Variants in COG5 observed in about 807,000 individuals in gnomAD.
COG5 encodes component of oligomeric golgi complex 5.
A neutral mutation model predicts 110.4 loss-of-function variants in COG5; 86 were observed. The ratio of observed to expected loss-of-function variants is 0.78; its 90% CI spans 0.65 to 0.93. COG5 has a LOEUF of 0.93. COG5 is among the 40% of genes least tolerant of loss of function. COG5 has a pLI of 0.00. For synonymous variants in COG5, 360 were observed against 334.6 expected, an observed-to-expected ratio of 1.08 and a Z score of -0.83; for missense variants, 1,077 against 987.0, an observed-to-expected ratio of 1.09 and a Z score of -1.22.
intron 10 of COG5, among the ~76,000 whole-genome samples, chr7:107,354,390 G>T (rs1366385022): frequency 2.0e-5 from 3 of 152,148 alleles, no homozygotes; most frequent in Non-Finnish European, 4.4e-5. Context: ...AAGAAAGACT[G>T]AACTAGGGCT....
intron 5 of COG5, among the ~76,000 whole-genome samples, chr7:107,541,145 T>C (rs754133398): frequency 1.0e-4 from 15 of 148,194 alleles, no homozygotes; most frequent in Admixed American, 2.7e-4. Flanking sequence ...AGCGGGACTC[T>C]GTCTTGAAAA....
In COG5 at chr7:107,201,726, A is replaced by G. The variant is rs1798326261; in HGVS notation, c.*1790T>C. 1 of 325,796 alleles carries G rather than the reference A, an allele frequency of 3.1e-6. No homozygotes were observed. Among genetic ancestry groups the G allele is most frequent in the South Asian group, 8.9e-5 (1 of 11,218 alleles). 20.2% of individuals were successfully genotyped at this position (325,796 alleles called of 1,614,324 possible). A position where few individuals can be genotyped will look rare whatever the true frequency, so the allele number is the denominator to read the frequency against. ...AATTGATATCCTGTGGTGCTAAAGT[A>G]CAGTAGAAAGAGAGGAGAAGTGTAT... On this transcript the variant is annotated 3_prime_UTR_variant, in exon 22 of 22. Coordinates refer to ENST00000297135, the MANE Select transcript of COG5 (RefSeq NM_006348.5).
intron 6 of COG5, among the ~76,000 whole-genome samples, chr7:107,495,132 A>G (rs994216931): frequency 2.0e-5 from 3 of 152,196 alleles, no homozygotes; most frequent in African/African-American, 7.2e-5. Context: ...GTGCACAGCT[A>G]TAATGGCAGA....
chr7:107,262,607 T>C (rs1006485736), intron 14 of COG5, among the ~76,000 whole-genome samples: 27 of 152,194 alleles, frequency 1.8e-4, no homozygotes, highest in African/African-American at 5.8e-4. Context: ...TAAACCAAGG[T>C]GGGTTCTTGG....
At chr7:107,259,045 C>A (rs1002775656) in intron 14 of COG5, among the ~76,000 whole-genome samples, 21 of 151,940 alleles carry the variant, frequency 1.4e-4, no homozygotes, top group African/African-American at 4.8e-4. Context: ...ACTTTCTACA[C>A]TTGACCTTTA....
At chr7:107,239,940 G>A (rs1337188009) in intron 17 of COG5, among the ~76,000 whole-genome samples, 1 of 152,268 alleles carries the variant, frequency 6.6e-6, no homozygotes, top group South Asian at 2.1e-4. Flanking sequence ...TAATCTTCAT[G>A]CCACTAACCT....
intron 5 of COG5, among the ~76,000 whole-genome samples, chr7:107,547,448 T>G (rs537131935): frequency 1.3e-5 from 2 of 152,290 alleles, no homozygotes; most frequent in African/African-American, 4.8e-5. Flanking sequence ...GCTTTTCCTC[T>G]AAGATCAGGA....
At chr7:107,216,979 A>T (rs1799577377) in intron 19 of COG5, among the ~76,000 whole-genome samples, 2 of 152,078 alleles carry the variant, frequency 1.3e-5, no homozygotes, top group Admixed American at 1.3e-4. Context: ...ACAAACCCTT[A>T]ACTAGACTAA....
At chr7:107,274,803 T>A (rs923561930) in intron 14 of COG5, among the ~76,000 whole-genome samples, 1 of 152,150 alleles carries the variant, frequency 6.6e-6, no homozygotes, top group Non-Finnish European at 1.5e-5. Context: ...CAATTTCAAA[T>A]TTTTTACCTT....
chr7:107,521,616 T>C (rs1274254481), intron 6 of COG5, among the ~76,000 whole-genome samples: 2 of 152,180 alleles, frequency 1.3e-5, no homozygotes, highest in African/African-American at 2.4e-5. Context: ...TGGCAATTAC[T>C]AAAAAGTCAA....
At chr7:107,498,760 G>T (rs1279083815) in intron 6 of COG5, among the ~76,000 whole-genome samples, 1 of 152,112 alleles carries the variant, frequency 6.6e-6, no homozygotes, top group Admixed American at 6.5e-5. Context: ...ATTAAAAATA[G>T]AATTACTATA....
chr7:107,240,722 C>T (rs1459617205), intron 17 of COG5, among the ~76,000 whole-genome samples: 1 of 152,226 alleles, frequency 6.6e-6, no homozygotes, highest in African/African-American at 2.4e-5. Context: ...AACTCCACCT[C>T]ATATTTCACA....
intron 10 of COG5, among the ~76,000 whole-genome samples, chr7:107,325,019 A>G (rs1298589568): frequency 1.3e-5 from 2 of 152,166 alleles, no homozygotes; most frequent in African/African-American, 4.8e-5. Flanking sequence ...TGTTAGGATA[A>G]CTAACAAGAA....
chr7:107,362,410 T>C lies in COG5; in HGVS notation c.846A>G (p.Gly282=), dbSNP rs761457649. Residue 282 remains glycine (G), a synonymous_variant, in exon 9 of 22, where the codon GGA becomes GGG. Transcript: ENST00000297135. ...TTCCTGGGGTTGGCATGGTAGATCG[T>C]CCAGGTCCCCCTGGTTATGAGTGAG... The part of the protein sequence containing the change: ...PSQSAVRGGP[G]RSTMPTPGNT... The C allele has an allele frequency of 6.2e-7, 1 of 1,612,600 alleles. No homozygotes were observed. The highest frequency in any genetic ancestry group is 1.7e-5 in the Admixed American group (1 of 60,014).
chr7:107,311,302 G>C (rs886898308), intron 11 of COG5, among the ~76,000 whole-genome samples: 1 of 147,740 alleles, frequency 6.8e-6, no homozygotes, highest in Non-Finnish European at 1.5e-5. Flanking sequence ...TGATTTGATA[G>C]ATGAGAAATA....
At chr7:107,494,413 T>G (rs534862060) in intron 6 of COG5, among the ~76,000 whole-genome samples, 1 of 152,302 alleles carries the variant, frequency 6.6e-6, no homozygotes, top group Admixed American at 6.5e-5. Context: ...CCCATAAGAT[T>G]ATAATGGAGC....
chr7:107,280,775 G>C (rs1462412124), intron 14 of COG5, among the ~76,000 whole-genome samples: 1 of 151,900 alleles, frequency 6.6e-6, no homozygotes, highest in African/African-American at 2.4e-5. Flanking sequence ...ATTTCAAATA[G>C]AATAATTTTA....
chr7:107,210,016 G>A (rs559135849), intron 21 of COG5: 1 of 1,004,726 alleles, frequency 1.0e-6, no homozygotes, highest in African/African-American at 1.7e-5. Context: ...TGCACGTGTG[G>A]GCAAGAGCAC....
chr7:107,258,190 C>T, intron 15 of COG5, 83 bp downstream of exon 15: 1 of 803,994 alleles, frequency 1.2e-6, no homozygotes, highest in East Asian at 2.6e-5. Flanking sequence ...TTCCAAAGTA[C>T]TAAATAACAA....
Sources: gnomAD v4.1 joint callset for allele counts (sites outside exome capture counted in the v4.1 genomes callset) on GRCh38, gnomAD v4.1.1 for gene constraint, MANE v1.5 for transcripts, NCBI Gene and HGNC (gene_info 2026-07-23, HGNC 2026-07-21) for gene names.